Variants in TLR2 observed in about 807,000 individuals in gnomAD.
TLR2 encodes the protein toll-like receptor 2.
Under a neutral mutation model 9.1 loss-of-function variants are expected in TLR2, and 7 were observed. The observed-to-expected ratio is 0.77, with a 90% CI of 0.44 to 1.44. TLR2 has a LOEUF of 1.44. TLR2 is among the 40% of genes most tolerant of loss of function. The pLI is 0.01. For synonymous variants in TLR2, 317 were observed against 344.6 expected (o/e 0.92, Z 0.89); for missense variants, 812 against 904.6 (o/e 0.90, Z 1.31).
intron 2 of TLR2, among the ~76,000 whole-genome samples, chr4:153,696,572 T>G (rs1329980033): frequency 6.6e-6 from 1 of 152,230 alleles, no homozygotes; most frequent in African/African-American, 2.4e-5. Flanking sequence ...TCACTGAATT[T>G]GCTTATTACA....
At chr4:153,688,509 C>T (rs1735873674) in intron 2 of TLR2, 1 of 152,352 alleles carries the variant, frequency 6.6e-6, no homozygotes, top group Non-Finnish European at 1.5e-5. Flanking sequence ...CAGAGATTTA[C>T]CCACATATTT....
intron 2 of TLR2, among the ~76,000 whole-genome samples, chr4:153,699,040 A>G (rs1420981476): frequency 6.6e-6 from 1 of 152,208 alleles, no homozygotes; most frequent in Non-Finnish European, 1.5e-5. Context: ...ATAATTAGAC[A>G]GTTTGTAGAC....
At chr4:153,686,955 A>G (rs2127008825) in intron 1 of TLR2, among the ~76,000 whole-genome samples, 1 of 152,314 alleles carries the variant, frequency 6.6e-6, no homozygotes, top group East Asian at 1.9e-4. Context: ...AAATTGCAAT[A>G]CATTTTAAAG....
Position 153,704,368 on chromosome 4 carries a change from T to C in TLR2, c.1461T>C (p.Asn487=), listed in dbSNP as rs1317005077. ...PQLKELYISR[N]KLMTLPDASL... Reference sequence around the variant, plus strand: ...TCAAAGAACTTTATATTTCCAGAAATAAGTTGATGACTCTACCAGATGCCT... The same window carrying C: ...TCAAAGAACTTTATATTTCCAGAAACAAGTTGATGACTCTACCAGATGCCT... Residue 487 remains asparagine (N), a synonymous_variant, in exon 3 of 3, where the codon AAT becomes AAC. Coordinates refer to ENST00000642700, the MANE Select transcript of TLR2 (RefSeq NM_001318789.2). 6.2e-7 allele frequency: 1 copy of C among 1,613,974 alleles called. No individual in the cohort carries two copies.
intron 2 of TLR2, among the ~76,000 whole-genome samples, chr4:153,699,966 C>T (rs1736770245): frequency 6.6e-6 from 1 of 152,082 alleles, no homozygotes; most frequent in Admixed American, 6.6e-5. Flanking sequence ...GCTTATTTGG[C>T]TCATGGTTCT....
chr4:153,704,667 G>C lies in TLR2; in HGVS notation c.1760G>C (p.Arg587Thr). ...DVRLSVSECHRTALVSGMCCA... is the reference protein window; with the variant it reads ...DVRLSVSECHTTALVSGMCCA... ...CGCCTCTCGGTGTCGGAATGTCACA[G>C]GACAGCACTGGTGTCTGGCATGTGC... Residue 587 changes from arginine (R) to threonine (T), a missense_variant, in exon 3 of 3, where the codon AGG (arginine) becomes ACG (threonine). By Grantham distance (71) the Arg-to-Thr change is moderately conservative (BLOSUM62 -1). Coordinates refer to ENST00000642700, the MANE Select transcript of TLR2 (RefSeq NM_001318789.2). 6.2e-7 allele frequency: 1 copy of C among 1,612,768 alleles called. No homozygotes were observed. The highest frequency in any genetic ancestry group is 8.5e-7 in the Non-Finnish European group (1 of 1,179,688).
intron 2 of TLR2, 41 bp downstream of exon 2, chr4:153,688,088 T>C (rs1157795739): frequency 6.6e-6 from 1 of 152,196 alleles, no homozygotes; most frequent in Non-Finnish European, 1.5e-5. Context: ...CATTTGCATT[T>C]TCAGCTCTCT....
intron 2 of TLR2, 83 bp from the exon 3 acceptor site, chr4:153,702,808 TA>T: frequency 1.4e-6 from 1 of 727,928 alleles, no homozygotes; most frequent in South Asian, 2.0e-5. Context: ...GTGTGTGTGT[TA>T]TGCCTAGAAA....
chr4:153,703,234 T>C lies in TLR2; in HGVS notation c.327T>C (p.Tyr109=). The stretch of plus-strand genomic sequence containing the variant: ...GTCTTGAACATTTAGACTTATCCTA[T>C]AATTACTTATCTAATTTATCGTCTT... ...LGSLEHLDLS[Y]NYLSNLSSSW... Residue 109 remains tyrosine, a synonymous_variant, in exon 3 of 3, where the codon TAT becomes TAC. Transcript: ENST00000642700. The C allele has an allele frequency of 1.9e-6, 3 of 1,614,030 alleles. No homozygotes were observed. Among genetic ancestry groups the C allele is most frequent in the Non-Finnish European group, 2.5e-6 (3 of 1,179,964 alleles).
intron 1 of TLR2, among the ~76,000 whole-genome samples, 163 bp downstream of exon 1, chr4:153,684,523 G>A (rs1735536882): frequency 6.6e-6 from 1 of 152,222 alleles, no homozygotes; most frequent in African/African-American, 2.4e-5. Context: ...CGGGGATAGC[G>A]GGAAGCGCAC....
In TLR2 at chr4:153,704,895, T is replaced by C; in HGVS notation, c.1988T>C (p.Leu663Pro). The change falls in exon 3 of 3, where the codon CTG (leucine) becomes CCG (proline). Residue 663 changes from leucine (L) to proline (P), a missense_variant. Physicochemically the swap from Leu to Pro is moderately conservative, Grantham distance 98. Coordinates refer to ENST00000642700, the MANE Select transcript of TLR2 (RefSeq NM_001318789.2). ...GTGGAGAACCTTATGGTCCAGGAGC[T>C]GGAGAACTTCAATCCCCCCTTCAAG... ...YWVENLMVQELENFNPPFKLC... is the reference protein window; with the variant it reads ...YWVENLMVQEPENFNPPFKLC... 6.2e-7 allele frequency: 1 copy of C among 1,613,574 alleles called. No individual in the cohort carries two copies. Among genetic ancestry groups the C allele is most frequent in the Non-Finnish European group, 8.5e-7 (1 of 1,180,018 alleles).
Position 153,704,937 on chromosome 4 carries a change from G to A in TLR2, c.2030G>A (p.Arg677Gln), listed in dbSNP as rs745825052. Reference protein sequence around the residue: ...NPPFKLCLHKRDFIPGKWIID... With the variant: ...NPPFKLCLHKQDFIPGKWIID... ...CCCTTCAAGTTGTGTCTTCATAAGC[G>A]GGACTTCATTCCTGGCAAGTGGATC... Residue 677 changes from arginine (R) to glutamine (Q), a missense_variant, in exon 3 of 3, where the codon CGG (arginine) becomes CAG (glutamine). Coordinates refer to ENST00000642700, the MANE Select transcript of TLR2 (RefSeq NM_001318789.2). The A allele has an allele frequency of 2.0e-5, 32 of 1,612,822 alleles. No individual in the cohort carries two copies. Among genetic ancestry groups the A allele is most frequent in the Middle Eastern group, 1.9e-4 (1 of 5,226 alleles).
At chr4:153,707,834 T>C (rs976044835), downstream of TLR2, among the ~76,000 whole-genome samples, 1 of 151,306 alleles carries the variant, frequency 6.6e-6, no homozygotes, top group Non-Finnish European at 1.5e-5. Flanking sequence ...CCCAGCACTT[T>C]GGGAGGCTGA....
downstream of TLR2, among the ~76,000 whole-genome samples, chr4:153,709,206 A>G (rs535447629): frequency 2.8e-4 from 42 of 152,348 alleles, no homozygotes; most frequent in African/African-American, 9.9e-4. Flanking sequence ...TCTCAACAGT[A>G]AGAAATTGTA....
At chr4:153,699,235 A>G (rs565163324) in intron 2 of TLR2, among the ~76,000 whole-genome samples, 1 of 152,194 alleles carries the variant, frequency 6.6e-6, no homozygotes, top group South Asian at 2.1e-4. Context: ...TTAACTATCA[A>G]TCATAGGCAC....
downstream of TLR2, among the ~76,000 whole-genome samples, chr4:153,709,557 A>T (rs1737436048): frequency 6.6e-6 from 1 of 152,226 alleles, no homozygotes; most frequent in Admixed American, 6.5e-5. Flanking sequence ...GGCAGTGCTC[A>T]AAGTGCAGGG....
chr4:153,707,875 C>G (rs144465525), downstream of TLR2, among the ~76,000 whole-genome samples: 1 of 152,234 alleles, frequency 6.6e-6, no homozygotes, highest in African/African-American at 2.4e-5. Context: ...TGTTGTGGTG[C>G]CTATTCACAT....
chr4:153,701,675 T>C (rs1253684283), intron 2 of TLR2: 2 of 151,822 alleles, frequency 1.3e-5, no homozygotes, highest in African/African-American at 4.8e-5. Flanking sequence ...TCATTGATTA[T>C]GTACAGTTTC....
Position 153,704,830 on chromosome 4 carries a change from T to C in TLR2, c.1923T>C (p.Tyr641=). The C allele has an allele frequency of 6.8e-6, 11 of 1,614,094 alleles. No homozygotes were observed. Among genetic ancestry groups the C allele is most frequent in the Non-Finnish European group, 9.3e-6 (11 of 1,180,000 alleles). ...PRKAPSRNIC[Y]DAFVSYSERD... ...AAGCTCCCAGCAGGAACATCTGCTA[T>C]GATGCATTTGTTTCTTACAGTGAGC... Residue 641 remains tyrosine, a synonymous_variant, in exon 3 of 3, where the codon TAT becomes TAC. Transcript: ENST00000642700.
Sources: gnomAD v4.1 joint callset for allele counts (sites outside exome capture counted in the v4.1 genomes callset) on GRCh38, gnomAD v4.1.1 for gene constraint, MANE v1.5 for transcripts, NCBI Gene and HGNC (gene_info 2026-07-23, HGNC 2026-07-21) for gene names.